The following PITPNM2 variants were observed in gnomAD, a reference collection of about 807,000 sequenced individuals.
PITPNM2 encodes membrane-associated phosphatidylinositol transfer protein 2.
PITPNM2 carries 35 observed loss-of-function variants against 132.2 expected under a neutral mutation model. The ratio of observed to expected loss-of-function variants is 0.26; its 90% CI spans 0.20 to 0.35. The LOEUF is 0.35. PITPNM2 is among the 10% of genes least tolerant of loss of function. The pLI, the probability that PITPNM2 is intolerant of heterozygous loss-of-function variation, is 1.00. For synonymous variants in PITPNM2, 738 were observed against 799.2 expected (o/e 0.92, Z 1.29); for missense variants, 1,332 against 1,912.0 (o/e 0.70, Z 5.66).
rs528569094 is a variant in PITPNM2, at chr12:123,077,426, C to T, written c.-96+32959G>A. Among the ~76,000 whole-genome samples, 4 of 152,330 alleles carry T rather than the reference C, an allele frequency of 2.6e-5. No homozygotes were observed. The highest frequency in any genetic ancestry group is 5.9e-5 in the Non-Finnish European group (4 of 68,028). ...CTCCAGAGCCCTGCCCCATCTAGGGCGCACGTGCATGCCTCTGAATTTCCT... is the reference window on the plus strand; with the variant it reads ...CTCCAGAGCCCTGCCCCATCTAGGGTGCACGTGCATGCCTCTGAATTTCCT... On this transcript the variant is annotated intron_variant, in intron 2 of 25. Coordinates refer to ENST00000320201, the MANE Select transcript of PITPNM2 (RefSeq NM_020845.3). This position sits in a 1 kb window ranked among gnomAD's most constrained non-coding sequence, Gnocchi z 4.8.
chr12:123,047,917 G>A (rs1272259009), intron 2 of PITPNM2, among the ~76,000 whole-genome samples: 1 of 152,090 alleles, frequency 6.6e-6, no homozygotes, highest in Admixed American at 6.5e-5. Context: ...TGGCCAACAT[G>A]GTGAAACCCC....
At chr12:123,025,464 G>C (rs534115106) in intron 3 of PITPNM2, among the ~76,000 whole-genome samples, 1 of 144,012 alleles carries the variant, frequency 6.9e-6, no homozygotes, top group Admixed American at 7.1e-5. Context: ...ACAAAGTTTC[G>C]CTCTTCTTGC....
Position 122,986,073 on chromosome 12 carries a change from G to A in PITPNM2, c.4004C>T (p.Ala1335Val). Residue 1335 changes from alanine (A) to valine (V), a missense_variant, in exon 26 of 26, where the codon GCC (alanine) becomes GTC (valine). Around this residue, in one of 6 missense-constraint regions of PITPNM2, gnomAD observed 163 missense variants for 177.2 expected, o/e 0.92. Coordinates refer to ENST00000320201, the MANE Select transcript of PITPNM2 (RefSeq NM_020845.3). ...CCCCGGCTCCAGGCGGCCAGTCATG[G>A]CGCGGCCCCAGCAGCCGGCCGCCAC... ...MSVAAGCWGR[A>V]MTGRLEPGAA... The A allele has an allele frequency of 4.9e-6, 7 of 1,432,324 alleles. No individual in the cohort carries two copies. Among genetic ancestry groups the A allele is most frequent in the Non-Finnish European group, 6.3e-6 (7 of 1,103,856 alleles). 88.7% of individuals were successfully genotyped at this position (1,432,324 alleles called of 1,614,324 possible). A position where few individuals can be genotyped will look rare whatever the true frequency, so the allele number is the denominator to read the frequency against.
At chr12:122,989,065 A>G (rs1346753869) in intron 18 of PITPNM2, among the ~76,000 whole-genome samples, 193 bp from the exon 19 acceptor site, 1 of 152,192 alleles carries the variant, frequency 6.6e-6, no homozygotes, top group Non-Finnish European at 1.5e-5. Flanking sequence ...CAGACCCAGG[A>G]CAGTGGTGAG....
In PITPNM2 at chr12:123,077,257, T is replaced by G. The variant is rs563603564; in HGVS notation, c.-96+33128A>C. ...CCCTACACCACCTTCTTGGAAATCTTGGTTATGGGGGATATCGGGGTGGGG... is the reference window on the plus strand; with the variant it reads ...CCCTACACCACCTTCTTGGAAATCTGGGTTATGGGGGATATCGGGGTGGGG... On this transcript the variant is annotated intron_variant, in intron 2 of 25. Transcript: ENST00000320201. This position sits in a 1 kb window ranked among gnomAD's most constrained non-coding sequence, Gnocchi z 4.8. 6.6e-6 allele frequency among the ~76,000 whole-genome samples: 1 copy of G among 152,206 alleles called. No homozygotes were observed. Among genetic ancestry groups the G allele is most frequent in the South Asian group, 2.1e-4 (1 of 4,822 alleles).
chr12:123,109,909 G>C (rs1215740214), intron 2 of PITPNM2, among the ~76,000 whole-genome samples: 1 of 152,220 alleles, frequency 6.6e-6, no homozygotes, highest in African/African-American at 2.4e-5. Flanking sequence ...ATTTGCAAAA[G>C]CGTAATCAAT....
upstream of PITPNM2, among the ~76,000 whole-genome samples, chr12:123,151,750 A>T (rs1424652938): frequency 2.0e-5 from 3 of 152,178 alleles, no homozygotes; most frequent in Non-Finnish European, 4.4e-5. Context: ...GACATTCCTT[A>T]AAAACATGAG....
chr12:123,004,847 C>T lies in PITPNM2; in HGVS notation c.953-358G>A, dbSNP rs929262386. Among the ~76,000 whole-genome samples the T allele has an allele frequency of 2.0e-5, 3 of 152,208 alleles. No individual in the cohort carries two copies. The highest frequency in any genetic ancestry group is 6.5e-5 in the Admixed American group (1 of 15,292). On this transcript the variant is annotated intron_variant, in intron 7 of 25. Transcript: ENST00000320201. The surrounding 1 kb of genome is among the most constrained non-coding windows in gnomAD (Gnocchi z 4.9). The stretch of plus-strand genomic sequence containing the variant: ...AAATTTGGCCACAGCAGGGCCCAGG[C>T]GGGAGATGAGTGAGCCAGGCCTGCC...
At chr12:123,132,433 A>G (rs2043285773) in intron 1 of PITPNM2, among the ~76,000 whole-genome samples, 1 of 152,076 alleles carries the variant, frequency 6.6e-6, no homozygotes, top group Non-Finnish European at 1.5e-5. Context: ...CAGCCCCGAG[A>G]GCCACTGGAG....
At position 123,000,816 on chromosome 12, in the gene PITPNM2, T is replaced by C. The variant is rs775980895; in HGVS notation, c.1186A>G (p.Arg396Gly). The C allele has an allele frequency of 5.0e-6, 8 of 1,613,964 alleles. No individual in the cohort carries two copies. In the African/African-American group the frequency reaches 8.0e-5, roughly 16 times the overall value. ...AGCTGCTCCACACTGGAGGCCACCC[T>C]GAACTCAGGGGCACCCTGGCGGTAC... ...GLYRQGAPEF[R>G]VASSVEQLNI... Residue 396 changes from arginine to glycine, a missense_variant, in exon 10 of 26, where the codon AGG (arginine) becomes GGG (glycine). Coordinates refer to ENST00000320201, the MANE Select transcript of PITPNM2 (RefSeq NM_020845.3). The surrounding 1 kb of genome is among the most constrained non-coding windows in gnomAD (Gnocchi z 5.4).
intron 4 of PITPNM2, among the ~76,000 whole-genome samples, chr12:123,012,988 A>C (rs1010037769): frequency 6.6e-6 from 1 of 152,212 alleles, no homozygotes; most frequent in African/African-American, 2.4e-5. Flanking sequence ...TAGAAGCCCC[A>C]TGTCCAATGT....
intron 1 of PITPNM2, among the ~76,000 whole-genome samples, chr12:123,137,312 C>A (rs759801896): frequency 6.6e-6 from 1 of 152,174 alleles, no homozygotes; most frequent in Non-Finnish European, 1.5e-5. Flanking sequence ...GCCCCAGAAC[C>A]TCTTCAGGAA....
At chr12:123,066,916 G>A (rs1356117651) in intron 2 of PITPNM2, among the ~76,000 whole-genome samples, 1 of 152,146 alleles carries the variant, frequency 6.6e-6, no homozygotes, top group African/African-American at 2.4e-5. Context: ...CCGCTGCCAG[G>A]CCACACTCCC....
intron 2 of PITPNM2, among the ~76,000 whole-genome samples, chr12:123,080,092 G>A (rs1002383307): frequency 3.3e-5 from 5 of 152,194 alleles, no homozygotes; most frequent in African/African-American, 4.8e-5. Flanking sequence ...ATGTTGTGGC[G>A]TGTGTCAGTC....
chr12:123,034,930 G>A (rs948063323), intron 2 of PITPNM2, among the ~76,000 whole-genome samples: 4 of 152,206 alleles, frequency 2.6e-5, no homozygotes, highest in South Asian at 2.1e-4. Context: ...AAACAGCCAC[G>A]GGGAAGTAAA....
intron 2 of PITPNM2, among the ~76,000 whole-genome samples, chr12:123,057,118 CG>C (rs2041056504): frequency 6.6e-6 from 1 of 152,076 alleles, no homozygotes; most frequent in Non-Finnish European, 1.5e-5. Context: ...TGGTGGTTCA[CG>C]CCTGCAATCC....
intron 3 of PITPNM2, among the ~76,000 whole-genome samples, chr12:123,018,938 C>A (rs2136305415): frequency 6.6e-6 from 1 of 152,038 alleles, no homozygotes; most frequent in East Asian, 1.9e-4. Context: ...CGTGTGCCAC[C>A]AAGCTTGGCT....
chr12:122,992,576 C>T lies in PITPNM2; in HGVS notation c.2327G>A (p.Arg776His), dbSNP rs376647562. Residue 776 changes from arginine (R) to histidine (H), a missense_variant, in exon 16 of 26, where the codon CGC (arginine) becomes CAC (histidine). Around this residue, in one of 6 missense-constraint regions of PITPNM2, gnomAD observed 710 missense variants for 911.5 expected, o/e 0.78. Coordinates refer to ENST00000320201, the MANE Select transcript of PITPNM2 (RefSeq NM_020845.3). The surrounding 1 kb of genome is among the most constrained non-coding windows in gnomAD (Gnocchi z 6.5). ...GCTGAAAGGCGGCAGGGCGTGAAAG[C>T]GCCGTTCCAGCAGCGGCTCCAGGCG... Reference protein sequence around the residue: ...ASRLEPLLERRFHALPPFSVP... With the variant: ...ASRLEPLLERHFHALPPFSVP... The T allele has an allele frequency of 8.7e-6, 14 of 1,611,162 alleles. No individual in the cohort carries two copies. The highest frequency in any genetic ancestry group is 1.1e-5 in the Non-Finnish European group (13 of 1,179,272).
At position 122,986,430 on chromosome 12, in the gene PITPNM2, A is replaced by G. The variant is rs1448938624; in HGVS notation, c.3726+6T>C. On this transcript the variant is annotated splice_donor_region_variant and intron_variant, in intron 25 of 25. Coordinates refer to ENST00000320201, the MANE Select transcript of PITPNM2 (RefSeq NM_020845.3). ...CTGCACCCGCCCCCACAATGCGCCC[A>G]CTCACCTGGCACTGCTGCTGCAGCT... 1.3e-6 allele frequency: 2 copies of G among 1,568,028 alleles called. No individual in the cohort carries two copies. Among genetic ancestry groups the G allele is most frequent in the South Asian group, 1.2e-5 (1 of 85,702 alleles).
Sources: allele counts gnomAD v4.1 joint callset (sites outside exome capture counted in the v4.1 genomes callset), GRCh38; gene constraint gnomAD v4.1.1; regional missense constraint gnomAD v4.1.1; non-coding constraint Gnocchi (gnomAD v3.1); transcripts MANE v1.5; gene names NCBI Gene and HGNC (gene_info 2026-07-23, HGNC 2026-07-21).